Variants in ULK4 observed in about 807,000 individuals in gnomAD.
ULK4 encodes unc-51 like kinase 4.
Under a neutral mutation model 160.6 loss-of-function variants are expected in ULK4, and 133 were observed. That is an observed-to-expected ratio of 0.83 (90% CI 0.72 to 0.96). The LOEUF (loss-of-function observed/expected upper bound fraction) is 0.96. Ranked by LOEUF, ULK4 falls within the 40% of genes least tolerant of loss-of-function variation. The pLI, the probability that ULK4 is intolerant of heterozygous loss-of-function variation, is 0.00. For synonymous variants in ULK4, 534 were observed against 539.8 expected (o/e 0.99, Z 0.15); for missense variants, 1,580 against 1,499.5 (o/e 1.05, Z -0.89).
chr3:41,949,104 C>A (rs988011225), intron 2 of ULK4, among the ~76,000 whole-genome samples: 6 of 151,648 alleles, frequency 4.0e-5, no homozygotes, highest in African/African-American at 1.5e-4. Flanking sequence ...GTCAGGAGTT[C>A]GAGACCAGCC....
At chr3:41,298,397 C>G (rs1240695045) in intron 35 of ULK4, among the ~76,000 whole-genome samples, 2 of 152,190 alleles carry the variant, frequency 1.3e-5, no homozygotes, top group Non-Finnish European at 2.9e-5. Flanking sequence ...AGTCAGCCCC[C>G]CAAAACTTCA....
At chr3:41,853,299 A>G (rs73830528) in intron 17 of ULK4, among the ~76,000 whole-genome samples, 8,070 of 152,232 alleles carry the variant, frequency 0.053, 700 homozygotes, top group African/African-American at 0.18. Flanking sequence ...GTGGTACTCA[A>G]TATTGCCTGC....
chr3:41,630,096 T>C (rs1481842399), intron 30 of ULK4, among the ~76,000 whole-genome samples: 2 of 152,184 alleles, frequency 1.3e-5, no homozygotes, highest in Non-Finnish European at 2.9e-5. Context: ...GGGCCTTGTA[T>C]TAGTTTTCTA....
At chr3:41,432,419 T>C (rs182088378) in intron 34 of ULK4, among the ~76,000 whole-genome samples, 1 of 152,230 alleles carries the variant, frequency 6.6e-6, no homozygotes, top group Admixed American at 6.5e-5. Flanking sequence ...GTCCCGAAAA[T>C]GCTTTTTCTG....
At position 41,715,182 on chromosome 3, in the gene ULK4, AC is replaced by A. The variant is rs1325858388; in HGVS notation, c.2634+54del. On this transcript the variant is annotated intron_variant, in intron 25 of 36. Coordinates refer to ENST00000301831, the MANE Select transcript of ULK4 (RefSeq NM_017886.4). The stretch of plus-strand genomic sequence containing the variant: ...CTCATTCTGACATCAAATTCTACAA[AC>A]AGTAGAGGAAGTCACAATTTTATTA... The A allele has an allele frequency of 5.1e-5, 78 of 1,529,342 alleles. 1 individual carries two copies. The Admixed American group carries it at 1.1e-3, about 22-fold the overall frequency. The allele number at this position is 1,529,342 out of a possible 1,614,324, so 94.7% of individuals were successfully genotyped here.
chr3:41,794,679 AAAAAAAAC>A (rs2040248833), intron 20 of ULK4, among the ~76,000 whole-genome samples: 7 of 130,342 alleles, frequency 5.4e-5, no homozygotes, highest in African/African-American at 1.2e-4. Context: ...AAAAAAAAAA[AAAAAAAAC>A]ACAGAAAAAA....
intron 34 of ULK4, among the ~76,000 whole-genome samples, chr3:41,453,373 T>C (rs1038708999): frequency 6.6e-5 from 10 of 152,030 alleles, no homozygotes; most frequent in African/African-American, 2.2e-4. Context: ...GACGGAGTCC[T>C]GCTATGTTGC....
intron 35 of ULK4, among the ~76,000 whole-genome samples, chr3:41,335,626 A>G (rs2080538701): frequency 6.6e-6 from 1 of 152,202 alleles, no homozygotes; most frequent in Non-Finnish European, 1.5e-5. Flanking sequence ...ATTTTGTTGA[A>G]GAACACTGCC....
At chr3:41,710,720 C>T (rs899167097) in intron 25 of ULK4, among the ~76,000 whole-genome samples, 5 of 150,008 alleles carry the variant, frequency 3.3e-5, no homozygotes, top group South Asian at 2.1e-4. Flanking sequence ...CTGGAACCCA[C>T]GAAACAGAGG....
intron 17 of ULK4, among the ~76,000 whole-genome samples, chr3:41,837,072 C>G (rs1215253921): frequency 6.6e-6 from 1 of 152,172 alleles, no homozygotes; most frequent in Non-Finnish European, 1.5e-5. Flanking sequence ...TGCTTAAAAA[C>G]TTCAAAGCAA....
At chr3:41,312,061 A>G (rs971536746) in intron 35 of ULK4, among the ~76,000 whole-genome samples, 1 of 149,784 alleles carries the variant, frequency 6.7e-6, no homozygotes, top group African/African-American at 2.5e-5. Context: ...GCAGACTCAA[A>G]CTCCTGGGCT....
chr3:41,335,162 C>T (rs565651094), intron 35 of ULK4, among the ~76,000 whole-genome samples: 9 of 152,276 alleles, frequency 5.9e-5, no homozygotes, highest in East Asian at 5.8e-4. Context: ...ACAAGTAGAA[C>T]GGATAATTAA....
At chr3:41,592,935 T>A (rs1050267790) in intron 31 of ULK4, among the ~76,000 whole-genome samples, 34 of 152,188 alleles carry the variant, frequency 2.2e-4, no homozygotes, top group African/African-American at 7.7e-4. Flanking sequence ...CTCTGGGACA[T>A]CCTCATGCTT....
intron 16 of ULK4, among the ~76,000 whole-genome samples, chr3:41,890,128 A>C (rs1299935148): frequency 6.6e-6 from 1 of 152,232 alleles, no homozygotes; most frequent in Non-Finnish European, 1.5e-5. Context: ...GCTGGGTGAG[A>C]AAAATGTTCT....
intron 35 of ULK4, among the ~76,000 whole-genome samples, chr3:41,286,630 C>G (rs534433591): frequency 6.6e-6 from 1 of 152,174 alleles, no homozygotes; most frequent in Non-Finnish European, 1.5e-5. Flanking sequence ...ACAGACACGA[C>G]TAGGGAAAAA....
chr3:41,488,177 T>C (rs2084613275), intron 32 of ULK4, among the ~76,000 whole-genome samples: 1 of 152,246 alleles, frequency 6.6e-6, no homozygotes, highest in African/African-American at 2.4e-5. Context: ...GTTTAGTTTC[T>C]AGCATATATA....
intron 22 of ULK4, among the ~76,000 whole-genome samples, chr3:41,720,234 A>C (rs1219251134): frequency 6.6e-6 from 1 of 152,210 alleles, no homozygotes; most frequent in Non-Finnish European, 1.5e-5. Flanking sequence ...TTCTGCGCAC[A>C]GTTCTTAACT....
At chr3:41,394,963 G>A (rs2082026004) in intron 35 of ULK4, among the ~76,000 whole-genome samples, 2 of 152,126 alleles carry the variant, frequency 1.3e-5, no homozygotes, top group Admixed American at 6.6e-5. Flanking sequence ...GTACCCTCCA[G>A]AAGAGGGTAG....
chr3:41,736,527 T>G (rs1211791927), intron 22 of ULK4, among the ~76,000 whole-genome samples: 1 of 151,974 alleles, frequency 6.6e-6, no homozygotes, highest in Admixed American at 6.5e-5. Context: ...TCGCCCACTT[T>G]GTGATGGGGT....
Sources: allele counts gnomAD v4.1 joint callset (sites outside exome capture counted in the v4.1 genomes callset), GRCh38; gene constraint gnomAD v4.1.1; transcripts MANE v1.5; gene names NCBI Gene and HGNC (gene_info 2026-07-23, HGNC 2026-07-21).